The following FBLN5 variants were observed in gnomAD, a reference collection of about 807,000 sequenced individuals.
FBLN5 encodes the protein fibulin-5.
Under a neutral mutation model 61.6 loss-of-function variants are expected in FBLN5, and 24 were observed. That is an observed-to-expected ratio of 0.39 (90% CI 0.28 to 0.55). FBLN5 has a LOEUF of 0.55. Ranked by LOEUF, FBLN5 falls within the 20% of genes least tolerant of loss-of-function variation. The pLI, the probability that FBLN5 is intolerant of heterozygous loss-of-function variation, is 0.65. For missense variants in FBLN5, 470 were observed against 594.1 expected (o/e 0.79, Z 2.17); for synonymous variants, 213 against 219.8 (o/e 0.97, Z 0.27).
chr14:91,945,300 A>G (rs2056167561), intron 1 of FBLN5, among the ~76,000 whole-genome samples: 1 of 152,106 alleles, frequency 6.6e-6, no homozygotes, highest in Non-Finnish European at 1.5e-5. Context: ...GTTCAACAGC[A>G]GTTTATCCAA....
chr14:91,901,414 C>G (rs1164991720), intron 4 of FBLN5, among the ~76,000 whole-genome samples: 2 of 152,204 alleles, frequency 1.3e-5, no homozygotes. Flanking sequence ...TGGCAAAAAT[C>G]ATTTCCTTGG....
At chr14:91,918,276 A>G (rs1450203499) in intron 4 of FBLN5, among the ~76,000 whole-genome samples, 1 of 152,232 alleles carries the variant, frequency 6.6e-6, no homozygotes, top group African/African-American at 2.4e-5. Context: ...CTGTTTCTGC[A>G]TAGTCAGGCT....
intron 4 of FBLN5, among the ~76,000 whole-genome samples, chr14:91,897,282 G>A (rs550779376): frequency 3.3e-5 from 5 of 152,192 alleles, no homozygotes; most frequent in Non-Finnish European, 7.3e-5. Context: ...ACCGAGCACA[G>A]CCTCCCAGGG....
chr14:91,892,426 C>A (rs1323297771), intron 5 of FBLN5, among the ~76,000 whole-genome samples: 1 of 152,218 alleles, frequency 6.6e-6, no homozygotes, highest in Non-Finnish European at 1.5e-5. Flanking sequence ...AGCCTCAGTC[C>A]TTGTGCCTGG....
At chr14:91,897,036 A>T (rs1276470696) in intron 4 of FBLN5, among the ~76,000 whole-genome samples, 2 of 152,098 alleles carry the variant, frequency 1.3e-5, no homozygotes, top group African/African-American at 4.8e-5. Flanking sequence ...CCCAACACTA[A>T]CAACGCTGAT....
intron 4 of FBLN5, among the ~76,000 whole-genome samples, chr14:91,910,573 T>C (rs964211927): frequency 2.0e-5 from 3 of 152,246 alleles, no homozygotes; most frequent in African/African-American, 2.4e-5. Flanking sequence ...TATTTCTTCA[T>C]TGATTGCATT....
intron 9 of FBLN5, among the ~76,000 whole-genome samples, chr14:91,878,388 A>T (rs1889270365): frequency 6.6e-6 from 1 of 152,202 alleles, no homozygotes; most frequent in South Asian, 2.1e-4. Context: ...TTTTACTACC[A>T]AAGAATGCCT....
At chr14:91,883,651 A>AAAAAAAAAT (rs1352451172) in intron 7 of FBLN5, among the ~76,000 whole-genome samples, 1 of 149,292 alleles carries the variant, frequency 6.7e-6, no homozygotes, top group East Asian at 1.9e-4. Flanking sequence ...TGTGTAAAAA[A>AAAAAAAAAT]AAAAACAAAA....
At chr14:91,931,849 A>C (rs1238144785) in intron 4 of FBLN5, among the ~76,000 whole-genome samples, 2 of 152,112 alleles carry the variant, frequency 1.3e-5, no homozygotes, top group Non-Finnish European at 2.9e-5. Flanking sequence ...CCATGAGAGG[A>C]AGGTTCCTGA....
intron 1 of FBLN5, among the ~76,000 whole-genome samples, chr14:91,945,141 A>G (rs8015218): frequency 0.52 from 78,248 of 151,602 alleles, 20,761 homozygotes; most frequent in African/African-American, 0.63. Flanking sequence ...CAAGGCAGAC[A>G]AATCACTTGA....
At chr14:91,925,448 G>C (rs2055811579) in intron 4 of FBLN5, among the ~76,000 whole-genome samples, 2 of 152,168 alleles carry the variant, frequency 1.3e-5, no homozygotes, top group Non-Finnish European at 2.9e-5. Context: ...CCTTCCCCAA[G>C]CATGCTCCTC....
At chr14:91,888,067 G>A (rs1034762824) in intron 6 of FBLN5, among the ~76,000 whole-genome samples, 1 of 152,192 alleles carries the variant, frequency 6.6e-6, no homozygotes, top group Admixed American at 6.5e-5. Context: ...GGGAGGCTGA[G>A]GCAGGTGGAT....
intron 4 of FBLN5, among the ~76,000 whole-genome samples, chr14:91,901,191 T>C (rs1021602189): frequency 6.6e-6 from 1 of 152,234 alleles, no homozygotes; most frequent in Non-Finnish European, 1.5e-5. Flanking sequence ...GATTCTTGCC[T>C]CTTCCCATGC....
rs114012548 is a variant in FBLN5 at position 91,886,678 on chromosome 14, G to A, written c.739+515C>T. On this transcript the variant is annotated intron_variant, in intron 7 of 10. Coordinates refer to ENST00000342058, the MANE Select transcript of FBLN5 (RefSeq NM_006329.4). ...ACTATTTTTTTTTGCATGTTCCCTG[G>A]GTGCCAGGCCTGGAGTGAGGCACTG... 7.3e-3 allele frequency among the ~76,000 whole-genome samples: 1,110 copies of A among 151,990 alleles called. 31 individuals are homozygous for A. Among genetic ancestry groups the A allele is most frequent in the African/African-American group, 0.025 (1,054 of 41,428 alleles).
chr14:91,899,488 G>GC (rs1890369817), intron 4 of FBLN5, among the ~76,000 whole-genome samples: 1 of 152,224 alleles, frequency 6.6e-6, no homozygotes, highest in African/African-American at 2.4e-5. Context: ...GCATCAAGCA[G>GC]CACAGCTCTG....
chr14:91,904,809 A>G (rs1364545691), intron 4 of FBLN5, among the ~76,000 whole-genome samples: 2 of 152,192 alleles, frequency 1.3e-5, no homozygotes, highest in Non-Finnish European at 2.9e-5. Context: ...GCTTCAACAT[A>G]TGGATTTGGG....
At chr14:91,886,753 A>G (rs1889743963) in intron 7 of FBLN5, among the ~76,000 whole-genome samples, 1 of 152,130 alleles carries the variant, frequency 6.6e-6, no homozygotes, top group Non-Finnish European at 1.5e-5. Context: ...GCTTCCATAC[A>G]TGTTCTCATT....
chr14:91,881,556 T>A, intron 8 of FBLN5, 138 bp from the exon 9 acceptor site: 1 of 910,320 alleles, frequency 1.1e-6, no homozygotes, highest in Non-Finnish European at 1.8e-6. Context: ...GGCTACTGAG[T>A]ACTTGGAATG....
chr14:91,898,208 T>G (rs1368295064), intron 4 of FBLN5, among the ~76,000 whole-genome samples: 1 of 150,638 alleles, frequency 6.6e-6, no homozygotes, highest in African/African-American at 2.5e-5. Context: ...AAGTTTTTTT[T>G]GGCGGGGGGG....
Sources: gnomAD v4.1 joint callset for allele counts (sites outside exome capture counted in the v4.1 genomes callset) on GRCh38, gnomAD v4.1.1 for gene constraint, MANE v1.5 for transcripts, NCBI Gene and HGNC (gene_info 2026-07-23, HGNC 2026-07-21) for gene names.